The following LHFPL3 variants were observed in gnomAD, a reference collection of about 807,000 sequenced individuals.
LHFPL3 encodes the protein LHFPL tetraspan subfamily member 3.
A neutral mutation model predicts 19.3 loss-of-function variants in LHFPL3; 5 were observed. The ratio of observed to expected loss-of-function variants is 0.26; its 90% CI spans 0.14 to 0.54. The LOEUF is 0.54. Among genes scored for constraint, LHFPL3 ranks in the 20% least tolerant of loss-of-function variants. The pLI is 0.94. For missense variants in LHFPL3, 249 were observed against 307.4 expected, an observed-to-expected ratio of 0.81 and a Z score of 1.42; for synonymous variants, 133 against 126.2, an observed-to-expected ratio of 1.05 and a Z score of -0.36.
chr7:104,838,558 G>T (rs575288586), intron 2 of LHFPL3, among the ~76,000 whole-genome samples: 1 of 152,248 alleles, frequency 6.6e-6, no homozygotes, highest in South Asian at 2.1e-4. Context: ...ATGTTTCATT[G>T]TATCTTTTCC....
At chr7:104,389,254 A>T (rs976324909) in intron 1 of LHFPL3, among the ~76,000 whole-genome samples, 1 of 152,220 alleles carries the variant, frequency 6.6e-6, no homozygotes, top group African/African-American at 2.4e-5. Context: ...AAGGAAATTA[A>T]GAAAACAATC....
chr7:104,372,671 G>T (rs1790637747), intron 1 of LHFPL3, among the ~76,000 whole-genome samples: 1 of 152,148 alleles, frequency 6.6e-6, no homozygotes, highest in Non-Finnish European at 1.5e-5. Context: ...TGTAAAATAG[G>T]AGTGATAATA....
chr7:104,847,117 A>C (rs1221800921), intron 2 of LHFPL3, among the ~76,000 whole-genome samples: 2 of 152,228 alleles, frequency 1.3e-5, no homozygotes, highest in Admixed American at 6.5e-5. Flanking sequence ...AAACTCAGAT[A>C]GATGTGGCAA....
At chr7:104,896,334 A>G (rs1036415210) in intron 2 of LHFPL3, among the ~76,000 whole-genome samples, 19 of 152,120 alleles carry the variant, frequency 1.2e-4, no homozygotes, top group Non-Finnish European at 5.9e-5. Flanking sequence ...CTGCAGCCAT[A>G]CCCACCTGAA....
intron 2 of LHFPL3, among the ~76,000 whole-genome samples, chr7:104,847,460 GTTTT>G (rs566836522): frequency 3.3e-5 from 5 of 152,110 alleles, no homozygotes; most frequent in African/African-American, 1.2e-4. Context: ...ATGCAATGTC[GTTTT>G]TTTAACAGAG....
intron 1 of LHFPL3, among the ~76,000 whole-genome samples, chr7:104,510,322 T>C: frequency 6.6e-6 from 1 of 152,140 alleles, no homozygotes; most frequent in Non-Finnish European, 1.5e-5. Context: ...ATATATTCAA[T>C]CTCAAGAATT....
Position 104,667,964 on chromosome 7 carries a change from C to T in LHFPL3, c.446-68711C>T, listed in dbSNP as rs1792389990. On this transcript the variant is annotated intron_variant, in intron 1 of 2. Coordinates refer to ENST00000424859, the MANE Select transcript of LHFPL3 (RefSeq NM_199000.3). The stretch of plus-strand genomic sequence containing the variant: ...GGGCGCCTCCAATTGACCGTTCCAT[C>T]CTTCCCACTGCTCCACGGGCTGCTC... 4 of 1,613,330 alleles carry T rather than the reference C, an allele frequency of 2.5e-6. No homozygotes were observed. The Admixed American group carries it at 6.7e-5, about 27-fold the overall frequency.
chr7:104,670,861 G>GT (rs765180265), intron 1 of LHFPL3, among the ~76,000 whole-genome samples: 25,621 of 146,160 alleles, frequency 0.18, 2,288 homozygotes, highest in Non-Finnish European at 0.2. Flanking sequence ...AATGTGTTTT[G>GT]TTTTGTTTTT....
At chr7:104,859,180 T>C (rs1374863990) in intron 2 of LHFPL3, among the ~76,000 whole-genome samples, 1 of 150,990 alleles carries the variant, frequency 6.6e-6, no homozygotes, top group Non-Finnish European at 1.5e-5. Flanking sequence ...GGCAGGAGAA[T>C]CACTTGAACC....
chr7:104,751,321 A>G (rs953333998), intron 2 of LHFPL3, among the ~76,000 whole-genome samples: 12 of 151,552 alleles, frequency 7.9e-5, no homozygotes, highest in Admixed American at 2.6e-4. Flanking sequence ...TTGCCACAAA[A>G]TCAGGGTAGG....
At chr7:104,660,000 A>C (rs1256729365) in intron 1 of LHFPL3, among the ~76,000 whole-genome samples, 3 of 103,886 alleles carry the variant, frequency 2.9e-5, no homozygotes, top group South Asian at 5.1e-4. Flanking sequence ...TGCCACAGCA[A>C]CTCGTTTTTT....
intron 1 of LHFPL3, among the ~76,000 whole-genome samples, chr7:104,430,438 A>ACGTG (rs1562895315): frequency 4.0e-4 from 6 of 15,056 alleles, no homozygotes; most frequent in South Asian, 5.3e-3. Flanking sequence ...ATATATATAT[A>ACGTG]TATATATATA....
chr7:104,464,651 T>G (rs766813415), intron 1 of LHFPL3, among the ~76,000 whole-genome samples: 3 of 152,226 alleles, frequency 2.0e-5, no homozygotes, highest in Admixed American at 6.5e-5. Flanking sequence ...TTGCAGTCTC[T>G]GAAGCAATGG....
chr7:104,674,089 ATT>A (rs34190904), intron 1 of LHFPL3, among the ~76,000 whole-genome samples: 445 of 139,572 alleles, frequency 3.2e-3, no homozygotes, highest in South Asian at 3.7e-3. Context: ...TTGCTGCATG[ATT>A]TTTTTTTTTT....
rs192244963 is a variant in LHFPL3, at chr7:104,892,176, T to C, written c.683-14011T>C. ...TGCTAAAAGGAATGTTTAGAATAGC[T>C]ATCCTTTTGGTGTGCTGAGAGTCTT... On this transcript the variant is annotated intron_variant, in intron 2 of 2. Coordinates refer to ENST00000424859, the MANE Select transcript of LHFPL3 (RefSeq NM_199000.3). 3.3e-4 allele frequency among the ~76,000 whole-genome samples: 50 copies of C among 152,350 alleles called. No homozygotes were observed. The East Asian group carries it at 9.1e-3, about 28-fold the overall frequency.
intron 2 of LHFPL3, among the ~76,000 whole-genome samples, chr7:104,792,513 T>A (rs1162143818): frequency 6.6e-6 from 1 of 152,216 alleles, no homozygotes; most frequent in South Asian, 2.1e-4. Context: ...GCTCTTACAG[T>A]TCCTCGAGAC....
At chr7:104,444,141 A>G (rs1269856827) in intron 1 of LHFPL3, among the ~76,000 whole-genome samples, 2 of 152,218 alleles carry the variant, frequency 1.3e-5, no homozygotes, top group African/African-American at 2.4e-5. Context: ...GTGGTTTAGT[A>G]TAACAGTGGA....
intron 1 of LHFPL3, among the ~76,000 whole-genome samples, chr7:104,529,991 T>C (rs1218412634): frequency 6.6e-6 from 1 of 152,164 alleles, no homozygotes; most frequent in Non-Finnish European, 1.5e-5. Context: ...TGAGAGAGGA[T>C]TGCTTCAACT....
intron 1 of LHFPL3, among the ~76,000 whole-genome samples, chr7:104,554,929 T>C (rs1008759600): frequency 3.9e-5 from 6 of 152,098 alleles, no homozygotes; most frequent in African/African-American, 1.4e-4. Context: ...AACCTGGAGT[T>C]CTGATGTTCA....
Sources: allele counts gnomAD v4.1 joint callset (sites outside exome capture counted in the v4.1 genomes callset), GRCh38; gene constraint gnomAD v4.1.1; transcripts MANE v1.5; gene names NCBI Gene and HGNC (gene_info 2026-07-23, HGNC 2026-07-21).